LAMA3: variants seen among roughly 807,000 people sequenced by gnomAD.
The protein encoded by LAMA3 is laminin subunit alpha 3.
In LAMA3, 281 loss-of-function variants were observed where a neutral mutation model predicts 402.0. The ratio of observed to expected loss-of-function variants is 0.70; its 90% confidence interval spans 0.63 to 0.77. The LOEUF is 0.77. LAMA3 is among the 30% of genes least tolerant of loss of function. The pLI is 0.00. For synonymous variants in LAMA3, 1,431 were observed against 1,558.4 expected, an observed-to-expected ratio of 0.92 and a Z score of 1.93; for missense variants, 3,840 against 4,215.5, an observed-to-expected ratio of 0.91 and a Z score of 2.47.
At chr18:23,715,323 G>GAA (rs986097913) in intron 2 of LAMA3, among the ~76,000 whole-genome samples, 2 of 137,468 alleles carry the variant, frequency 1.5e-5, no homozygotes, top group African/African-American at 5.3e-5. Context: ...AGTGTTTCAA[G>GAA]AAAAAAAAAA....
intron 2 of LAMA3, among the ~76,000 whole-genome samples, chr18:23,716,401 C>T (rs11877880): frequency 0.49 from 74,713 of 151,896 alleles, 20,153 homozygotes; most frequent in Non-Finnish European, 0.62. Flanking sequence ...TCAGGCAATC[C>T]GCCCACCTAG....
At chr18:23,867,072 A>G (rs1235980045) in intron 36 of LAMA3, among the ~76,000 whole-genome samples, 4 of 152,168 alleles carry the variant, frequency 2.6e-5, no homozygotes, top group African/African-American at 9.7e-5. Context: ...GCTGGGTCCC[A>G]CAGGGGGAGG....
Position 23,905,607 on chromosome 18 carries a change from A to C in LAMA3, c.6701A>C (p.Gln2234Pro). The change falls in exon 52 of 75, where the codon CAA becomes CCA. Residue 2234 changes from glutamine to proline, a missense_variant. Coordinates refer to ENST00000313654, the MANE Select transcript of LAMA3 (RefSeq NM_198129.4). ...DKLLNEAKMT[Q>P]KKLKQEVSPA... ...CTGTTAAATGAAGCCAAGATGACAC[A>C]AAAGAAGCTAAAGCAAGGTATTAGG... 1 of 1,605,074 alleles carries C rather than the reference A, an allele frequency of 6.2e-7. No individual in the cohort carries two copies. The highest frequency in any genetic ancestry group is 8.5e-7 in the Non-Finnish European group (1 of 1,172,250).
In LAMA3 at chr18:23,772,044, C is replaced by CTT. The variant is rs35056110; in HGVS notation, c.1183-1439_1183-1438dup. Among the ~76,000 whole-genome samples the CTT allele has an allele frequency of 4.6e-3, 653 of 141,190 alleles. 7 individuals are homozygous for CTT. The highest frequency in any genetic ancestry group is 0.016 in the African/African-American group (593 of 38,220). The allele number at this position is 141,190 out of a possible 152,430, so 92.6% of individuals were successfully genotyped here. On this transcript the variant is annotated intron_variant, in intron 8 of 74. Coordinates refer to ENST00000313654, the MANE Select transcript of LAMA3 (RefSeq NM_198129.4). ...CAGAGATGTGACTTCTGATCGAAGTCTTTTTTTTTTTTTTTGAGACGGAGT... is the reference window on the plus strand; with the variant it reads ...CAGAGATGTGACTTCTGATCGAAGTCTTTTTTTTTTTTTTTTTGAGACGGAGT...
At chr18:23,876,261 T>C in intron 38 of LAMA3, 33 bp from the exon 39 acceptor site, 1 of 1,386,966 alleles carries the variant, frequency 7.2e-7, no homozygotes. Flanking sequence ...TTTTCTTTCT[T>C]TGTATTGATT....
chr18:23,798,768 T>C (rs745925615), intron 12 of LAMA3, among the ~76,000 whole-genome samples: 11 of 152,236 alleles, frequency 7.2e-5, no homozygotes, highest in Non-Finnish European at 8.8e-5. Flanking sequence ...GTGGAACTGA[T>C]GGCTGGCTTT....
At chr18:23,935,003 A>G (rs1458272139) in intron 67 of LAMA3, among the ~76,000 whole-genome samples, 1 of 152,260 alleles carries the variant, frequency 6.6e-6, no homozygotes, top group African/African-American at 2.4e-5. Flanking sequence ...TTATGGGAAC[A>G]TCTTTAGAAT....
intron 37 of LAMA3, among the ~76,000 whole-genome samples, chr18:23,868,560 C>T (rs1047991768): frequency 6.6e-6 from 1 of 152,094 alleles, no homozygotes; most frequent in African/African-American, 2.4e-5. Flanking sequence ...TGCAGTGAGC[C>T]ATGGTCACGC....
At chr18:23,804,837 T>C (rs778923416) in intron 12 of LAMA3, among the ~76,000 whole-genome samples, 1 of 152,152 alleles carries the variant, frequency 6.6e-6, no homozygotes, top group Non-Finnish European at 1.5e-5. Context: ...AAGTGTGTGA[T>C]ACCTCCCCCT....
intron 68 of LAMA3, among the ~76,000 whole-genome samples, 158 bp from the exon 69 acceptor site, chr18:23,943,630 A>G (rs2082602688): frequency 6.6e-6 from 1 of 152,224 alleles, no homozygotes. Context: ...AGCTTTTTAA[A>G]GTTTCCAGAG....
intron 17 of LAMA3, among the ~76,000 whole-genome samples, chr18:23,815,979 C>T (rs1222834369): frequency 6.6e-6 from 1 of 152,270 alleles, no homozygotes; most frequent in African/African-American, 2.4e-5. Context: ...TTGAATCTCT[C>T]GCTCGGCCCC....
At chr18:23,862,450 C>T (rs1444982864) in intron 35 of LAMA3, among the ~76,000 whole-genome samples, 1 of 152,140 alleles carries the variant, frequency 6.6e-6, no homozygotes, top group African/African-American at 2.4e-5. Flanking sequence ...AACTTGCTAA[C>T]GGGTGGATTT....
chr18:23,750,947 AG>A lies in LAMA3; in HGVS notation c.716del (p.Gly239ValfsTer11), dbSNP rs2061739658. ...TGGTGTCCTTGATAAACGGTCGTCC[AG>A]GTGCAAAAAATTTTACTTTCTCTCA... Reference protein sequence around the residue: ...VVVSLINGRPGAKNFTFSHTL... With the variant: ...VVVSLINGRPXAKNFTFSHTL... On this transcript the variant is annotated frameshift_variant, in exon 5 of 75. Coordinates refer to ENST00000313654, the MANE Select transcript of LAMA3 (RefSeq NM_198129.4). LOFTEE classifies it high-confidence loss of function. The A allele has an allele frequency of 6.2e-7, 1 of 1,614,014 alleles. No homozygotes were observed. The highest frequency in any genetic ancestry group is 1.7e-5 in the Admixed American group (1 of 59,988).
chr18:23,806,407 G>T (rs1315953608), intron 12 of LAMA3, among the ~76,000 whole-genome samples: 1 of 152,190 alleles, frequency 6.6e-6, no homozygotes. Flanking sequence ...TGGGATTTGA[G>T]TCCAGTTATC....
intron 67 of LAMA3, among the ~76,000 whole-genome samples, chr18:23,934,581 G>A (rs2082258402): frequency 6.6e-6 from 1 of 152,200 alleles, no homozygotes; most frequent in Non-Finnish European, 1.5e-5. Context: ...TCTGCTCAAG[G>A]TCAACAATGT....
chr18:23,860,171 C>T (rs957304821), intron 34 of LAMA3, among the ~76,000 whole-genome samples: 2 of 151,460 alleles, frequency 1.3e-5, no homozygotes, highest in Admixed American at 1.3e-4. Flanking sequence ...AATATCACAC[C>T]CCTCACTTCT....
intron 39 of LAMA3, among the ~76,000 whole-genome samples, chr18:23,880,298 G>A (rs1297113769): frequency 6.6e-6 from 1 of 152,198 alleles, no homozygotes; most frequent in Non-Finnish European, 1.5e-5. Flanking sequence ...GTGAACACGT[G>A]AGCAGCATCC....
chr18:23,868,244 C>T (rs1380824860), intron 37 of LAMA3, among the ~76,000 whole-genome samples: 1 of 152,132 alleles, frequency 6.6e-6, no homozygotes, highest in Non-Finnish European at 1.5e-5. Flanking sequence ...ACTTGGATCA[C>T]TTCTGGTCAC....
chr18:23,756,816 G>C (rs1029273846), intron 6 of LAMA3, among the ~76,000 whole-genome samples: 11 of 152,098 alleles, frequency 7.2e-5, no homozygotes, highest in Non-Finnish European at 1.0e-4. Context: ...AGGGAGCCCT[G>C]GATGGGGCGC....
Sources: allele counts gnomAD v4.1 joint callset (sites outside exome capture counted in the v4.1 genomes callset), GRCh38; gene constraint gnomAD v4.1.1; transcripts MANE v1.5; gene names NCBI Gene and HGNC (gene_info 2026-07-23, HGNC 2026-07-21).